Variants in CTNNA1 observed in about 807,000 individuals in gnomAD.
CTNNA1 encodes catenin alpha 1.
A neutral mutation model predicts 98.4 loss-of-function variants in CTNNA1; 37 were observed. That is an observed-to-expected ratio of 0.38 (90% CI 0.29 to 0.49). CTNNA1 has a LOEUF of 0.49. Ranked by LOEUF, CTNNA1 falls within the 20% of genes least tolerant of loss-of-function variation. The pLI is 0.95. For missense variants in CTNNA1, 761 were observed against 1,147.2 expected (o/e 0.66, Z 4.86); for synonymous variants, 404 against 413.2 (o/e 0.98, Z 0.27).
intron 7 of CTNNA1, among the ~76,000 whole-genome samples, chr5:138,876,220 C>T (rs1360589607): frequency 3.9e-5 from 6 of 152,136 alleles, no homozygotes; most frequent in African/African-American, 4.8e-5. Flanking sequence ...TAAAAGCCTC[C>T]GCTGGTACTG....
At chr5:138,932,911 G>A (rs776711565) in intron 17 of CTNNA1, 199 bp downstream of exon 17, 2 of 806,394 alleles carry the variant, frequency 2.5e-6, no homozygotes, top group Non-Finnish European at 2.2e-6. Context: ...GCGGGGCACT[G>A]CAAGGGCTGA....
intron 7 of CTNNA1, among the ~76,000 whole-genome samples, chr5:138,830,486 A>G (rs1761171705): frequency 6.6e-6 from 1 of 152,220 alleles, no homozygotes; most frequent in South Asian, 2.1e-4. Flanking sequence ...GATTCACGTA[A>G]CAGTGAACAG....
chr5:138,887,942 C>A (rs750783272), intron 9 of CTNNA1, among the ~76,000 whole-genome samples: 18 of 152,248 alleles, frequency 1.2e-4, no homozygotes, highest in Non-Finnish European at 2.2e-4. Context: ...TAGAAAGCAA[C>A]AATGCCTAAG....
chr5:138,866,285 T>TATTTATTA (rs1215210626), intron 7 of CTNNA1, among the ~76,000 whole-genome samples: 1 of 131,596 alleles, frequency 7.6e-6, no homozygotes, highest in Non-Finnish European at 1.6e-5. Context: ...TTTATTTATT[T>TATTTATTA]ATTTATTTAT....
intron 11 of CTNNA1, among the ~76,000 whole-genome samples, chr5:138,920,085 TCTC>T (rs1159394479): frequency 6.6e-6 from 1 of 151,010 alleles, no homozygotes; most frequent in African/African-American, 2.4e-5. Flanking sequence ...TTCAAGCAAT[TCTC>T]CTGCCTCAGC....
Position 138,925,390 on chromosome 5 carries a change from G to C in CTNNA1, c.1882G>C (p.Ala628Pro). 6.2e-7 allele frequency: 1 copy of C among 1,614,144 alleles called. No individual in the cohort carries two copies. Among genetic ancestry groups the C allele is most frequent in the Non-Finnish European group, 8.5e-7 (1 of 1,180,040 alleles). Reference sequence around the variant, plus strand: ...TGATGGCATCCGGGACATCAGGAAAGCAGTGCTGATGATAAGGGTGAGTAA... The same window carrying C: ...TGATGGCATCCGGGACATCAGGAAACCAGTGCTGATGATAAGGGTGAGTAA... The part of the protein sequence containing the change: ...VYDGIRDIRK[A>P]VLMIRTPEEL... The change falls in exon 13 of 18, where the codon GCA becomes CCA. Residue 628 changes from alanine (A) to proline (P), a missense_variant. Around this residue, in one of 6 missense-constraint regions of CTNNA1, gnomAD observed 287 missense variants for 436.0 expected, o/e 0.66. Transcript: ENST00000302763.
At chr5:138,883,245 C>T (rs1362220297) in intron 7 of CTNNA1, among the ~76,000 whole-genome samples, 2 of 152,170 alleles carry the variant, frequency 1.3e-5, no homozygotes, top group African/African-American at 4.8e-5. Context: ...TATGTGTACT[C>T]ATCTCTATTA....
chr5:138,754,345 C>G (rs1751385025), intron 1 of CTNNA1: 1 of 151,884 alleles, frequency 6.6e-6, no homozygotes, highest in South Asian at 2.1e-4. Flanking sequence ...CTTTGCTTGG[C>G]AGCAGTGGCT....
intron 4 of CTNNA1, among the ~76,000 whole-genome samples, chr5:138,811,011 C>T (rs1460987394): frequency 1.6e-4 from 24 of 147,372 alleles, no homozygotes; most frequent in Middle Eastern, 3.6e-3. Context: ...GCTGGCCTGG[C>T]GGGGGCTGAC....
chr5:138,850,529 G>A (rs999122919), intron 7 of CTNNA1, among the ~76,000 whole-genome samples: 13 of 152,162 alleles, frequency 8.5e-5, no homozygotes, highest in Admixed American at 1.3e-4. Flanking sequence ...TATTATCTAT[G>A]TAGCCATTAG....
intron 3 of CTNNA1, among the ~76,000 whole-genome samples, chr5:138,794,112 G>C (rs925335408): frequency 1.3e-5 from 2 of 151,234 alleles, no homozygotes; most frequent in Non-Finnish European, 2.9e-5. Context: ...CCGCCTCCCG[G>C]GTTCAAGTGA....
At chr5:138,877,669 G>A (rs1476555038) in intron 7 of CTNNA1, among the ~76,000 whole-genome samples, 1 of 151,868 alleles carries the variant, frequency 6.6e-6, no homozygotes, top group African/African-American at 2.4e-5. Flanking sequence ...GGATGGTCTC[G>A]ATCACCTGAC....
At chr5:138,769,794 A>C (rs144199157) in intron 1 of CTNNA1, among the ~76,000 whole-genome samples, 1,742 of 151,934 alleles carry the variant, frequency 0.011, 37 homozygotes, top group African/African-American at 0.04. Flanking sequence ...CGGCCTCCCA[A>C]AGTGCTGGGA....
intron 3 of CTNNA1, 42 bp from the exon 4 acceptor site, chr5:138,809,996 G>T: frequency 1.3e-6 from 2 of 1,565,524 alleles, no homozygotes; most frequent in South Asian, 1.2e-5. Context: ...TCAGTTATTT[G>T]AGTTCATTCT....
intron 3 of CTNNA1, among the ~76,000 whole-genome samples, chr5:138,802,142 C>CA (rs1172747345): frequency 6.6e-6 from 1 of 152,104 alleles, no homozygotes; most frequent in Non-Finnish European, 1.5e-5. Flanking sequence ...ATGTAAATGA[C>CA]AAGAAGAAGG....
chr5:138,876,184 C>A (rs1751467136), intron 7 of CTNNA1, among the ~76,000 whole-genome samples: 1 of 152,134 alleles, frequency 6.6e-6, no homozygotes, highest in African/African-American at 2.4e-5. Context: ...TTGTATTTTA[C>A]CTCAGAATCT....
At chr5:138,821,901 C>T (rs1425755866) in intron 5 of CTNNA1, among the ~76,000 whole-genome samples, 1 of 152,128 alleles carries the variant, frequency 6.6e-6, no homozygotes, top group Non-Finnish European at 1.5e-5. Flanking sequence ...GAAAAGAGTA[C>T]TTTTAATCAT....
At position 138,827,679 on chromosome 5, in the gene CTNNA1, C is replaced by A. The variant is rs2149785980; in HGVS notation, c.1023C>A (p.Arg341=). The A allele has an allele frequency of 2.5e-6, 4 of 1,614,204 alleles. No individual in the cohort carries two copies. Among genetic ancestry groups the A allele is most frequent in the Non-Finnish European group, 3.4e-6 (4 of 1,180,032 alleles). ...TTGTGGCAGAGTGTAATGCTGTCCGCCAGGCCCTGCAGGACCTGCTTTCGG... is the reference window on the plus strand; with the variant it reads ...TTGTGGCAGAGTGTAATGCTGTCCGACAGGCCCTGCAGGACCTGCTTTCGG... ...ERIVAECNAV[R]QALQDLLSEY... Residue 341 remains arginine, a synonymous_variant, in exon 7 of 18, where the codon CGC becomes CGA. Transcript: ENST00000302763.
At chr5:138,898,646 C>CTAA (rs1241237448) in intron 9 of CTNNA1, among the ~76,000 whole-genome samples, 1 of 151,658 alleles carries the variant, frequency 6.6e-6, no homozygotes, top group Admixed American at 6.6e-5. Context: ...TACGACATGT[C>CTAA]TAAGTGTGGA....
Sources: gnomAD v4.1 joint callset for allele counts (sites outside exome capture counted in the v4.1 genomes callset) on GRCh38, gnomAD v4.1.1 for gene constraint, gnomAD v4.1.1 regional missense constraint, MANE v1.5 for transcripts, NCBI Gene and HGNC (gene_info 2026-07-23, HGNC 2026-07-21) for gene names.